The following FRMD4A variants were observed in gnomAD, a reference collection of about 807,000 sequenced individuals.
The protein encoded by FRMD4A is FERM domain-containing protein 4A.
Under a neutral mutation model 129.1 loss-of-function variants are expected in FRMD4A, and 29 were observed. That is an observed-to-expected ratio of 0.22 (90% confidence interval 0.17 to 0.31). The LOEUF is 0.31. Among genes scored for constraint, FRMD4A ranks in the 10% least tolerant of loss-of-function variants. The probability of loss-of-function intolerance (pLI) is 1.00; values close to 1 mark genes in which losing one functional copy is unlikely to be tolerated. For synonymous variants in FRMD4A, 634 were observed against 571.6 expected (o/e 1.11, Z -1.56); for missense variants, 1,272 against 1,375.8 (o/e 0.92, Z 1.19).
At chr10:14,053,779 G>A (rs1187900223) in intron 2 of FRMD4A, among the ~76,000 whole-genome samples, 1 of 152,098 alleles carries the variant, frequency 6.6e-6, no homozygotes, top group Admixed American at 6.6e-5. Flanking sequence ...AGTGTTTTGG[G>A]AGGCCGAGGT....
Position 13,728,573 on chromosome 10 carries a change from C to CTTTTT in FRMD4A, c.759+9266_759+9270dup, listed in dbSNP as rs10706168. 1.0e-3 allele frequency among the ~76,000 whole-genome samples: 82 copies of CTTTTT among 78,350 alleles called. 9 individuals are homozygous for CTTTTT. Among genetic ancestry groups the CTTTTT allele is most frequent in the Non-Finnish European group, 1.2e-3 (49 of 42,028 alleles). The allele number at this position is 78,350 out of a possible 152,430, so 51.4% of individuals were successfully genotyped here. ...TCAGTGCTTTCAGGTGATTACCATTCTTTTTTTTTTTTTTTTTGAGATGGA... is the reference window on the plus strand; with the variant it reads ...TCAGTGCTTTCAGGTGATTACCATTCTTTTTTTTTTTTTTTTTTTTTTGAGATGGA... On this transcript the variant is annotated intron_variant, in intron 12 of 24. Transcript: ENST00000357447.
At chr10:14,041,877 T>C (rs1419114744) in intron 2 of FRMD4A, among the ~76,000 whole-genome samples, 1 of 152,176 alleles carries the variant, frequency 6.6e-6, no homozygotes, top group Non-Finnish European at 1.5e-5. Context: ...TCAACTATGC[T>C]GGTAGAAGTC....
In FRMD4A at chr10:14,139,773, T is replaced by C. The variant is rs145076605; in HGVS notation, c.45+190285A>G. ...CCAAATATGTTTCCTATAAGACATA[T>C]TGTTACTCTTGGGCTTCCGGGACAG... On this transcript the variant is annotated intron_variant, in intron 2 of 24. Coordinates refer to ENST00000357447, the MANE Select transcript of FRMD4A (RefSeq NM_018027.5). Among the ~76,000 whole-genome samples, 1,062 of 152,302 alleles carry C rather than the reference T, an allele frequency of 7.0e-3. 7 individuals are homozygous for C. Among genetic ancestry groups the C allele is most frequent in the Non-Finnish European group, 8.8e-3 (602 of 68,036 alleles).
chr10:13,824,321 CAAAAAA>C (rs397721588), intron 3 of FRMD4A, among the ~76,000 whole-genome samples: 16 of 99,060 alleles, frequency 1.6e-4, no homozygotes, highest in African/African-American at 5.3e-4. Flanking sequence ...ACTAAAAATA[CAAAAAA>C]AAAAAAAAAA....
At chr10:14,151,954 A>C (rs963954662) in intron 2 of FRMD4A, among the ~76,000 whole-genome samples, 2 of 152,028 alleles carry the variant, frequency 1.3e-5, no homozygotes, top group Non-Finnish European at 2.9e-5. Flanking sequence ...AAGCTCATTC[A>C]AAAGATGTTG....
At chr10:13,961,674 C>G (rs1212085596) in intron 2 of FRMD4A, among the ~76,000 whole-genome samples, 1 of 152,176 alleles carries the variant, frequency 6.6e-6, no homozygotes, top group African/African-American at 2.4e-5. Flanking sequence ...CTTTCTTCAA[C>G]ATCACAGAAA....
At chr10:14,037,664 A>C (rs1203890127) in intron 2 of FRMD4A, among the ~76,000 whole-genome samples, 1 of 152,230 alleles carries the variant, frequency 6.6e-6, no homozygotes, top group Non-Finnish European at 1.5e-5. Context: ...GTATTTAAAA[A>C]AAAAATTAGA....
At chr10:13,805,914 G>A (rs749220566) in intron 4 of FRMD4A, among the ~76,000 whole-genome samples, 10 of 151,388 alleles carry the variant, frequency 6.6e-5, no homozygotes, top group South Asian at 4.2e-4. Flanking sequence ...GCTGGAGTGC[G>A]TGGCGTGATC....
intron 2 of FRMD4A, among the ~76,000 whole-genome samples, chr10:14,015,759 AATAAGGCAATTCTCTT>A (rs1371645798): frequency 1.3e-5 from 2 of 152,228 alleles, no homozygotes; most frequent in African/African-American, 2.4e-5. Flanking sequence ...TGTCTAATAA[AATAAGGCAATTCTCTT>A]ATACGGCATA....
chr10:13,944,283 G>A (rs1369780837), intron 2 of FRMD4A, among the ~76,000 whole-genome samples: 8 of 147,124 alleles, frequency 5.4e-5, no homozygotes, highest in Admixed American at 4.8e-4. Flanking sequence ...ATTCTCACAG[G>A]AGCACGAACC....
chr10:13,972,399 C>G, intron 2 of FRMD4A: 1 of 822,438 alleles, frequency 1.2e-6, no homozygotes, highest in Non-Finnish European at 1.5e-6. Context: ...TTGTAAGAAG[C>G]CAGGCATTTT....
At chr10:13,793,767 C>T (rs2093054030) in intron 5 of FRMD4A, among the ~76,000 whole-genome samples, 1 of 152,112 alleles carries the variant, frequency 6.6e-6, no homozygotes, top group Admixed American at 6.6e-5. Context: ...TCTTACCACT[C>T]CTTTGGAGAA....
rs948136800 is a variant in FRMD4A at position 13,953,643 on chromosome 10, C to T, written c.46-94731G>A. Among the ~76,000 whole-genome samples, 28 of 152,264 alleles carry T rather than the reference C, an allele frequency of 1.8e-4. No individual in the cohort carries two copies. In the Middle Eastern group the frequency reaches 0.01, roughly 55 times the overall value. On this transcript the variant is annotated intron_variant, in intron 2 of 24. Coordinates refer to ENST00000357447, the MANE Select transcript of FRMD4A (RefSeq NM_018027.5). ...GTCTTGAGGTCATAGTACTTATATT[C>T]AAGTCACTCTTATTTTACTTAATAG...
At chr10:13,790,440 G>A (rs2092972766) in intron 5 of FRMD4A, among the ~76,000 whole-genome samples, 2 of 152,272 alleles carry the variant, frequency 1.3e-5, no homozygotes, top group South Asian at 4.2e-4. Context: ...TCACACCAGG[G>A]GAAGGTGCAG....
intron 2 of FRMD4A, among the ~76,000 whole-genome samples, chr10:13,996,602 T>G (rs4748077): frequency 0.29 from 43,457 of 152,110 alleles, 7,380 homozygotes; most frequent in East Asian, 0.73. Flanking sequence ...AAGGGGCTGG[T>G]GAAGGGGAAC....
chr10:13,704,653 T>C (rs2087226884), intron 13 of FRMD4A, among the ~76,000 whole-genome samples: 1 of 152,104 alleles, frequency 6.6e-6, no homozygotes, highest in Non-Finnish European at 1.5e-5. Flanking sequence ...CTGTACAGTA[T>C]AGAGATAAAG....
At chr10:14,016,850 C>T (rs2095700778) in intron 2 of FRMD4A, among the ~76,000 whole-genome samples, 3 of 152,206 alleles carry the variant, frequency 2.0e-5, no homozygotes, top group African/African-American at 7.2e-5. Context: ...ATATGAATGA[C>T]CCATGTGGAA....
chr10:13,804,274 A>G (rs1248939318), intron 4 of FRMD4A, among the ~76,000 whole-genome samples: 1 of 152,212 alleles, frequency 6.6e-6, no homozygotes, highest in African/African-American at 2.4e-5. Context: ...TTGCTTTCCC[A>G]GAGCTGTGTC....
chr10:13,806,974 A>AT (rs912081212), intron 4 of FRMD4A, among the ~76,000 whole-genome samples: 3 of 151,980 alleles, frequency 2.0e-5, no homozygotes, highest in African/African-American at 2.4e-5. Flanking sequence ...TACCCGGATG[A>AT]TTTTTTGTAT....
Sources: allele counts gnomAD v4.1 joint callset (sites outside exome capture counted in the v4.1 genomes callset), GRCh38; gene constraint gnomAD v4.1.1; transcripts MANE v1.5; gene names NCBI Gene and HGNC (gene_info 2026-07-23, HGNC 2026-07-21).